The following SYNE3 variants were observed in gnomAD, a reference collection of about 807,000 sequenced individuals.
SYNE3 encodes the protein nesprin-3.
In SYNE3, 100 loss-of-function variants were observed where a neutral mutation model predicts 111.2. The observed-to-expected ratio is 0.90, with a 90% CI of 0.77 to 1.06. The LOEUF is 1.06. Ranked by LOEUF, SYNE3 falls within the 50% of genes least tolerant of loss-of-function variation. The pLI, the probability that SYNE3 is intolerant of heterozygous loss-of-function variation, is 0.00. For missense variants in SYNE3, 1,160 were observed against 1,240.3 expected (o/e 0.94, Z 0.97); for synonymous variants, 547 against 533.9 (o/e 1.02, Z -0.34).
intron 4 of SYNE3, among the ~76,000 whole-genome samples, chr14:95,464,905 T>C (rs1359009865): frequency 1.3e-5 from 2 of 152,190 alleles, no homozygotes. Context: ...AAAATACATA[T>C]GTTTAGAATG....
At chr14:95,486,597 C>T (rs1006770802) in intron 1 of SYNE3, among the ~76,000 whole-genome samples, 24 of 152,144 alleles carry the variant, frequency 1.6e-4, no homozygotes, top group Admixed American at 6.5e-5. Context: ...ACCACACACA[C>T]GTCACCACAG....
In SYNE3 at chr14:95,443,252, A is replaced by C; in HGVS notation, c.1814T>G (p.Met605Arg). ...QEEGLDLGAQ[M>R]EAARPLVQEN... ...CTGGACCAGAGGCCTTGCAGCCTCC[A>C]TCTGTGCCCCCAAGTCCAGCCCCTC... The change falls in exon 11 of 18, where the codon ATG (methionine) becomes AGG (arginine). Residue 605 changes from methionine to arginine, a missense_variant. Coordinates refer to ENST00000682763, the MANE Select transcript of SYNE3 (RefSeq NM_152592.6). The C allele has an allele frequency of 6.2e-7, 1 of 1,614,216 alleles. No individual in the cohort carries two copies. The highest frequency in any genetic ancestry group is 1.1e-5 in the South Asian group (1 of 91,086).
At chr14:95,506,004 T>A (rs144459006) in intron 1 of SYNE3, among the ~76,000 whole-genome samples, 1 of 152,302 alleles carries the variant, frequency 6.6e-6, no homozygotes, top group Non-Finnish European at 1.5e-5. Flanking sequence ...AACTCATTGG[T>A]CCAGGGTGGA....
chr14:95,430,006 G>GGAAGGAAGGAAGGAAGGAAGGAA (rs1389462231), intron 17 of SYNE3: 6 of 382,854 alleles, frequency 1.6e-5, no homozygotes, highest in African/African-American at 1.2e-4. Flanking sequence ...AAGGAAAGAA[G>GGAAGGAAGGAAGGAAGGAAGGAA]GGAGGGAGGG....
chr14:95,469,732 TA>T, intron 2 of SYNE3, among the ~76,000 whole-genome samples: 1 of 151,804 alleles, frequency 6.6e-6, no homozygotes, highest in Non-Finnish European at 1.5e-5. Context: ...TTAAAAATAA[TA>T]AAAATAAAAT....
At chr14:95,467,260 T>C (rs1214334329) in intron 3 of SYNE3, among the ~76,000 whole-genome samples, 1 of 152,208 alleles carries the variant, frequency 6.6e-6, no homozygotes, top group African/African-American at 2.4e-5. Context: ...TCTTGATATT[T>C]GCTATCCCCT....
chr14:95,515,028 A>C (rs1185917997), intron 1 of SYNE3, among the ~76,000 whole-genome samples: 3 of 152,196 alleles, frequency 2.0e-5, no homozygotes, highest in South Asian at 2.1e-4. Flanking sequence ...ACCTGCAGGG[A>C]GCCAGGTGCC....
At chr14:95,468,815 T>G (rs144637236) in intron 2 of SYNE3, among the ~76,000 whole-genome samples, 151 of 152,328 alleles carry the variant, frequency 9.9e-4, no homozygotes, top group African/African-American at 3.3e-3. Context: ...CAATGCATGA[T>G]GTCCAGCAAA....
At chr14:95,490,343 G>C (rs1889788919) in intron 1 of SYNE3, among the ~76,000 whole-genome samples, 3 of 152,234 alleles carry the variant, frequency 2.0e-5, no homozygotes, top group Admixed American at 2.0e-4. Context: ...ATTGTTCCAA[G>C]CTATAATTCC....
rs373563721 is a variant in SYNE3, at chr14:95,438,999, C to T, written c.2376+34G>A. ...ACCCACCTCTTGACCTGGGGCCTGGCCCCTTCTCCCACAGCCCTGCTAGAC... is the reference window on the plus strand; with the variant it reads ...ACCCACCTCTTGACCTGGGGCCTGGTCCCTTCTCCCACAGCCCTGCTAGAC... On this transcript the variant is annotated intron_variant, in intron 14 of 17. Transcript: ENST00000682763. 5.0e-6 allele frequency: 8 copies of T among 1,611,348 alleles called. No individual in the cohort carries two copies. In the African/African-American group the frequency reaches 1.1e-4, roughly 22 times the overall value.
At chr14:95,475,295 G>T (rs1416030941) in intron 2 of SYNE3, among the ~76,000 whole-genome samples, 3 of 152,216 alleles carry the variant, frequency 2.0e-5, no homozygotes, top group African/African-American at 4.8e-5. Context: ...ATCTGGCAGG[G>T]ACCCCAACCA....
chr14:95,438,935 G>T, intron 14 of SYNE3, 98 bp downstream of exon 14: 1 of 1,525,556 alleles, frequency 6.6e-7, no homozygotes, highest in Non-Finnish European at 9.0e-7. Flanking sequence ...AGCAGAGCAT[G>T]TTGCCCCAGA....
At chr14:95,497,622 G>T (rs1409251841) in intron 1 of SYNE3, among the ~76,000 whole-genome samples, 1 of 152,140 alleles carries the variant, frequency 6.6e-6, no homozygotes, top group Non-Finnish European at 1.5e-5. Flanking sequence ...GCGAGGGTTG[G>T]CAGACTGTTT....
intron 3 of SYNE3, 60 bp downstream of exon 3, chr14:95,467,735 G>A: frequency 1.3e-6 from 2 of 1,592,638 alleles, no homozygotes; most frequent in Non-Finnish European, 1.7e-6. Context: ...GCCCAAGCTA[G>A]TGTCACAGTG....
intron 1 of SYNE3, among the ~76,000 whole-genome samples, chr14:95,505,467 C>G (rs1387332781): frequency 2.6e-5 from 4 of 152,192 alleles, no homozygotes; most frequent in Non-Finnish European, 5.9e-5. Flanking sequence ...GGGCAGCCCT[C>G]AGATCTGTCA....
rs555914853 is a variant in SYNE3, at chr14:95,467,940, G to A, written c.172C>T (p.Arg58Cys). 125 of 1,612,536 alleles carry A rather than the reference G, an allele frequency of 7.8e-5. No individual in the cohort carries two copies. The highest frequency in any genetic ancestry group is 9.8e-5 in the Non-Finnish European group (116 of 1,178,968). ...EKICQLEPEG[R>C]VRVDLVLRMA... is the part of the protein sequence containing the mutation. ...CGTAGCACGAGGTCCACCCTCACACGCCCCTCGGGCTCCAGCTGGCATATT... is the reference window on the plus strand; with the variant it reads ...CGTAGCACGAGGTCCACCCTCACACACCCCTCGGGCTCCAGCTGGCATATT... Residue 58 changes from arginine to cysteine, a missense_variant, in exon 3 of 18, where the codon CGT becomes TGT. Coordinates refer to ENST00000682763, the MANE Select transcript of SYNE3 (RefSeq NM_152592.6).
Position 95,439,139 on chromosome 14 carries a change from T to G in SYNE3, c.2270A>C (p.Gln757Pro), listed in dbSNP as rs1886264020. ...LLSLIRNWHL[Q>P]RMEVDSGKKM... ...CTTCCCCGAATCCACTTCCATCCTC[T>G]GCAGATGCCAGTTTCTGATGAGGCT... Residue 757 changes from glutamine (Q) to proline (P), a missense_variant, in exon 14 of 18, where the codon CAG (glutamine) becomes CCG (proline). Transcript: ENST00000682763. 6.2e-7 allele frequency: 1 copy of G among 1,614,248 alleles called. No homozygotes were observed. Among genetic ancestry groups the G allele is most frequent in the South Asian group, 1.1e-5 (1 of 91,086 alleles).
At chr14:95,433,497 C>A in intron 15 of SYNE3, 88 bp from the exon 16 acceptor site, 1 of 1,548,078 alleles carries the variant, frequency 6.5e-7, no homozygotes, top group South Asian at 1.2e-5. Flanking sequence ...TCAAATTTCA[C>A]TTGACAGACA....
intron 2 of SYNE3, among the ~76,000 whole-genome samples, chr14:95,472,708 C>T (rs1888601385): frequency 6.6e-6 from 1 of 152,218 alleles, no homozygotes; most frequent in South Asian, 2.1e-4. Flanking sequence ...GAGCCCGGGC[C>T]TGCAGACCCA....
Sources: gnomAD v4.1 joint callset for allele counts (sites outside exome capture counted in the v4.1 genomes callset) on GRCh38, gnomAD v4.1.1 for gene constraint, MANE v1.5 for transcripts, NCBI Gene and HGNC (gene_info 2026-07-23, HGNC 2026-07-21) for gene names.